MITF: variants seen among roughly 807,000 people sequenced by gnomAD.
The protein encoded by MITF is microphthalmia-associated transcription factor.
Under a neutral mutation model 60.5 loss-of-function variants are expected in MITF, and 17 were observed. The ratio of observed to expected loss-of-function variants is 0.28; its 90% CI spans 0.19 to 0.42. MITF has a LOEUF of 0.42. Among genes scored for constraint, MITF ranks in the 10% least tolerant of loss-of-function variants. MITF has a pLI of 1.00. For missense variants in MITF, 622 were observed against 683.5 expected, an observed-to-expected ratio of 0.91 and a Z score of 1.00; for synonymous variants, 260 against 248.5, an observed-to-expected ratio of 1.05 and a Z score of -0.43.
intron 2 of MITF, chr3:69,936,789 A>G: frequency 6.3e-7 from 1 of 1,590,234 alleles, no homozygotes; most frequent in Non-Finnish European, 8.6e-7. Flanking sequence ...TCAGTCTTTG[A>G]AATATAATGC....
intron 2 of MITF, among the ~76,000 whole-genome samples, chr3:69,901,067 G>A (rs563750808): frequency 6.6e-6 from 1 of 152,174 alleles, no homozygotes; most frequent in East Asian, 1.9e-4. Flanking sequence ...TGAGCAGTTT[G>A]GAGGAAGGTT....
At chr3:69,824,772 T>A (rs2107066235) in intron 1 of MITF, among the ~76,000 whole-genome samples, 1 of 152,324 alleles carries the variant, frequency 6.6e-6, no homozygotes, top group East Asian at 1.9e-4. Flanking sequence ...AGCAGCTTCC[T>A]TTGGCACCTC....
chr3:69,891,622 A>G (rs1179903537), intron 2 of MITF, among the ~76,000 whole-genome samples: 1 of 152,208 alleles, frequency 6.6e-6, no homozygotes, highest in African/African-American at 2.4e-5. Context: ...CTGGAGGTTA[A>G]TTTGTAAGAA....
At chr3:69,933,414 A>C (rs1304070969) in intron 2 of MITF, among the ~76,000 whole-genome samples, 2 of 152,058 alleles carry the variant, frequency 1.3e-5, no homozygotes, top group Non-Finnish European at 2.9e-5. Flanking sequence ...TTTAGAATGA[A>C]ACTGATGGAA....
At chr3:69,747,168 G>T (rs1346474196) in intron 1 of MITF, among the ~76,000 whole-genome samples, 1 of 152,218 alleles carries the variant, frequency 6.6e-6, no homozygotes, top group African/African-American at 2.4e-5. Context: ...TGGAGAAGCA[G>T]ATGGGTTCCT....
chr3:69,889,025 G>GTTTTTTTTTTTTTTTTTTTTT (rs4057977), intron 2 of MITF, among the ~76,000 whole-genome samples: 5 of 58,816 alleles, frequency 8.5e-5, no homozygotes, highest in Non-Finnish European at 1.3e-4. Flanking sequence ...ATAGCCTTTG[G>GTTTTTTTTTTTTTTTTTTTTT]TTTTTTTTTT....
At chr3:69,936,526 T>C in intron 2 of MITF, 1 of 1,319,054 alleles carries the variant, frequency 7.6e-7, no homozygotes, top group Non-Finnish European at 9.8e-7. Context: ...ATGTGAACGT[T>C]TTTTTTTACA....
intron 1 of MITF, among the ~76,000 whole-genome samples, chr3:69,829,664 G>A (rs1388356453): frequency 1.6e-5 from 2 of 127,636 alleles, no homozygotes; most frequent in Non-Finnish European, 3.7e-5. Context: ...ATATACAAAG[G>A]TGTGGATGCA....
chr3:69,929,596 T>C (rs538827706), intron 2 of MITF, among the ~76,000 whole-genome samples: 1 of 152,302 alleles, frequency 6.6e-6, no homozygotes, highest in Admixed American at 6.5e-5. Context: ...TACTTTGTTT[T>C]TGTTTTTTTT....
At chr3:69,866,945 A>C (rs962976804) in intron 1 of MITF, among the ~76,000 whole-genome samples, 1 of 152,020 alleles carries the variant, frequency 6.6e-6, no homozygotes, top group Non-Finnish European at 1.5e-5. Flanking sequence ...ACATCCAAAC[A>C]TCAGAATTGT....
chr3:69,817,542 TG>T (rs1354991663), intron 1 of MITF, among the ~76,000 whole-genome samples: 1 of 151,980 alleles, frequency 6.6e-6, no homozygotes, highest in East Asian at 1.9e-4. Context: ...ATGAAAAACT[TG>T]GTTTGGAAAG....
chr3:69,943,818 C>G (rs1258626263), intron 5 of MITF, among the ~76,000 whole-genome samples: 2 of 152,076 alleles, frequency 1.3e-5, no homozygotes, highest in African/African-American at 4.8e-5. Context: ...TTGGCTGGGT[C>G]CATGGTTCAC....
At chr3:69,833,574 T>G (rs2063488848) in intron 1 of MITF, among the ~76,000 whole-genome samples, 1 of 152,016 alleles carries the variant, frequency 6.6e-6, no homozygotes. Context: ...ATGTGGTTCC[T>G]TCCCTGTTCA....
At chr3:69,827,085 C>T (rs1025249193) in intron 1 of MITF, among the ~76,000 whole-genome samples, 38 of 152,152 alleles carry the variant, frequency 2.5e-4, no homozygotes, top group Admixed American at 1.4e-3. Flanking sequence ...TCATGCCATC[C>T]TCTGAATGCT....
At chr3:69,747,494 C>T (rs182784265) in intron 1 of MITF, among the ~76,000 whole-genome samples, 1 of 152,284 alleles carries the variant, frequency 6.6e-6, no homozygotes, top group Non-Finnish European at 1.5e-5. Context: ...GGGACAGTTG[C>T]CATCTTGCAA....
chr3:69,820,865 T>C (rs1014662431), intron 1 of MITF, among the ~76,000 whole-genome samples: 12 of 152,188 alleles, frequency 7.9e-5, no homozygotes, highest in Non-Finnish European at 8.8e-5. Context: ...TGTGTGTTAT[T>C]ATAGGCCACA....
chr3:69,788,906 G>C (rs2062695296), intron 1 of MITF, among the ~76,000 whole-genome samples: 1 of 152,156 alleles, frequency 6.6e-6, no homozygotes, highest in Non-Finnish European at 1.5e-5. Context: ...ATGGAATGAA[G>C]TTGGACCCTT....
chr3:69,890,065 T>G (rs888329795), intron 2 of MITF, among the ~76,000 whole-genome samples: 2 of 152,186 alleles, frequency 1.3e-5, no homozygotes, highest in Non-Finnish European at 2.9e-5. Flanking sequence ...CATCTTCATA[T>G]GCCACTATTG....
intron 1 of MITF, among the ~76,000 whole-genome samples, chr3:69,771,923 T>C (rs568876868): frequency 6.6e-6 from 1 of 152,308 alleles, no homozygotes; most frequent in East Asian, 1.9e-4. Context: ...TACTTTTCCA[T>C]TTATGTGTGT....
Sources: allele counts gnomAD v4.1 joint callset (sites outside exome capture counted in the v4.1 genomes callset), GRCh38; gene constraint gnomAD v4.1.1; transcripts MANE v1.5; gene names NCBI Gene and HGNC (gene_info 2026-07-23, HGNC 2026-07-21).